The following TBC1D1 variants were observed in gnomAD, a reference collection of about 807,000 sequenced individuals.
TBC1D1 encodes TBC1 domain family member 1, also known as TBC1 (tre-2/USP6, BUB2, cdc16) domain family, member 1.
A neutral mutation model predicts 125.6 loss-of-function variants in TBC1D1; 89 were observed. The observed-to-expected ratio is 0.71, with a 90% confidence interval of 0.60 to 0.85. The LOEUF (loss-of-function observed/expected upper bound fraction) is 0.85. TBC1D1 is among the 40% of genes least tolerant of loss of function. The pLI is 0.00. For missense variants in TBC1D1, 1,377 were observed against 1,469.2 expected (o/e 0.94, Z 1.03); for synonymous variants, 565 against 564.1 (o/e 1.00, Z -0.02).
chr4:38,110,823 G>A (rs1762080714), intron 15 of TBC1D1: 5 of 985,376 alleles, frequency 5.1e-6, no homozygotes, highest in Non-Finnish European at 4.8e-6. Flanking sequence ...AGCTTCCCTC[G>A]AGTTTGGCAG....
chr4:38,064,336 A>C (rs979569580), intron 12 of TBC1D1, among the ~76,000 whole-genome samples: 3 of 152,186 alleles, frequency 2.0e-5, no homozygotes, highest in African/African-American at 7.2e-5. Flanking sequence ...GCTGGTGTGG[A>C]AACTCCTCCT....
chr4:37,893,197 G>C (rs775689796), intron 1 of TBC1D1, among the ~76,000 whole-genome samples: 6 of 152,188 alleles, frequency 3.9e-5, no homozygotes, highest in Non-Finnish European at 8.8e-5. Context: ...GGGCTCAAGA[G>C]GATTCTGTCT....
intron 15 of TBC1D1, chr4:38,110,281 G>A: frequency 1.0e-6 from 1 of 984,986 alleles, no homozygotes; most frequent in Non-Finnish European, 1.2e-6. Context: ...TGAGGGGCTT[G>A]TGAAAAACAC....
In TBC1D1 at chr4:37,945,512, C is replaced by CAAAAAAAAA. The variant is rs59557310; in HGVS notation, c.417+43031_417+43039dup. Among the ~76,000 whole-genome samples the CAAAAAAAAA allele has an allele frequency of 5.8e-4, 12 of 20,692 alleles. 2 individuals are homozygous for CAAAAAAAAA. The East Asian group carries it at 7.0e-3, about 12-fold the overall frequency. The allele number at this position is 20,692 out of a possible 152,430, so 13.6% of individuals were successfully genotyped here. ...TGGGCAACAGAGAGAGACTCCACCT[C>CAAAAAAAAA]AAAAAAAAAAAAAAAAAAAAAAAAA... On this transcript the variant is annotated intron_variant, in intron 2 of 19. Coordinates refer to ENST00000261439, the MANE Select transcript of TBC1D1 (RefSeq NM_015173.4).
chr4:37,928,008 A>C (rs746303664), intron 2 of TBC1D1, among the ~76,000 whole-genome samples: 1 of 152,216 alleles, frequency 6.6e-6, no homozygotes, highest in African/African-American at 2.4e-5. Context: ...TGTGATTAAA[A>C]GCATGCACTC....
Position 37,956,032 on chromosome 4 carries a change from CTT to C in TBC1D1, c.417+53534_417+53535del, listed in dbSNP as rs61539790. 1.3e-3 allele frequency among the ~76,000 whole-genome samples: 194 copies of C among 144,424 alleles called. 1 individual carries two copies. Among genetic ancestry groups the C allele is most frequent in the Middle Eastern group, 7.1e-3 (2 of 282 alleles). 94.7% of individuals were successfully genotyped at this position (144,424 alleles called of 152,430 possible). ...ATACATATAATCTGCTTCAAATAAA[CTT>C]TTTTTTTTTTTTTGAAACAACGTCT... On this transcript the variant is annotated intron_variant, in intron 2 of 19. Transcript: ENST00000261439.
At chr4:38,072,353 G>A (rs17497671) in intron 12 of TBC1D1, among the ~76,000 whole-genome samples, 15,718 of 152,242 alleles carry the variant, frequency 0.1, 995 homozygotes, top group Non-Finnish European at 0.14. Context: ...TTTTCTGAGA[G>A]GCCAGAGTTT....
intron 2 of TBC1D1, among the ~76,000 whole-genome samples, chr4:37,928,405 G>A (rs537564956): frequency 2.6e-5 from 4 of 152,098 alleles, no homozygotes; most frequent in African/African-American, 4.8e-5. Context: ...TTCCCTCTTG[G>A]ACAGGATATG....
intron 8 of TBC1D1, among the ~76,000 whole-genome samples, chr4:38,043,011 C>T (rs1194336295): frequency 1.3e-5 from 2 of 151,968 alleles, no homozygotes; most frequent in East Asian, 1.9e-4. Context: ...AAGCGATTCT[C>T]CTGCCTCAGC....
intron 12 of TBC1D1, among the ~76,000 whole-genome samples, chr4:38,084,846 C>G (rs542860028): frequency 6.6e-6 from 1 of 151,932 alleles, no homozygotes; most frequent in Non-Finnish European, 1.5e-5. Context: ...TCTGTCTACT[C>G]GTTTCCTTCT....
intron 2 of TBC1D1, among the ~76,000 whole-genome samples, chr4:37,932,911 G>A (rs574758391): frequency 1.3e-5 from 2 of 152,170 alleles, no homozygotes; most frequent in Admixed American, 1.3e-4. Flanking sequence ...GCAAAAATTA[G>A]CCAGAGGTGG....
At chr4:38,000,823 A>T (rs1438648209) in intron 2 of TBC1D1, among the ~76,000 whole-genome samples, 3 of 152,220 alleles carry the variant, frequency 2.0e-5, no homozygotes, top group Non-Finnish European at 4.4e-5. Context: ...CTGACCTGCT[A>T]TAAATCAAGT....
chr4:37,985,972 G>C (rs1403111247), intron 2 of TBC1D1, among the ~76,000 whole-genome samples: 2 of 152,232 alleles, frequency 1.3e-5, no homozygotes, highest in Admixed American at 6.5e-5. Context: ...TTTCTAGCAT[G>C]TTTCAGAATG....
rs537576624 is a variant in TBC1D1 at position 38,113,466 on chromosome 4, A to T, written c.2558-2244A>T. ...GTTTGCTAACATGAGAGGGTATCTG[A>T]TTAGCTAAAACGATAACACTGACAG... On this transcript the variant is annotated intron_variant, in intron 15 of 19. Coordinates refer to ENST00000261439, the MANE Select transcript of TBC1D1 (RefSeq NM_015173.4). 2.0e-5 allele frequency among the ~76,000 whole-genome samples: 3 copies of T among 152,338 alleles called. No homozygotes were observed. In the South Asian group the frequency reaches 6.2e-4, roughly 32 times the overall value.
intron 2 of TBC1D1, among the ~76,000 whole-genome samples, chr4:37,944,301 C>T (rs1050855053): frequency 1.3e-5 from 2 of 152,194 alleles, no homozygotes; most frequent in African/African-American, 4.8e-5. Context: ...CTTGAGGAGG[C>T]AGTCTGTCCG....
Position 37,902,119 on chromosome 4 carries a change from A to C in TBC1D1, c.24A>C (p.Ala8=), listed in dbSNP as rs1716174994. Residue 8 remains alanine, a synonymous_variant, in exon 2 of 20, where the codon GCA becomes GCC. Transcript: ENST00000261439. ...AGATGGAACCAATAACATTCACAGCAAGGAAACATCTGCTTTCTAACGAGG... is the reference window on the plus strand; with the variant it reads ...AGATGGAACCAATAACATTCACAGCCAGGAAACATCTGCTTTCTAACGAGG... 1 of 1,606,364 alleles carries C rather than the reference A, an allele frequency of 6.2e-7. No homozygotes were observed. Among genetic ancestry groups the C allele is most frequent in the Non-Finnish European group, 8.5e-7 (1 of 1,176,818 alleles).
intron 2 of TBC1D1, among the ~76,000 whole-genome samples, chr4:37,951,854 C>T (rs1727942254): frequency 6.6e-6 from 1 of 152,176 alleles, no homozygotes; most frequent in Admixed American, 6.5e-5. Context: ...GTAAATCATT[C>T]AGATACAATT....
intron 15 of TBC1D1, chr4:38,111,999 G>A (rs74432580): frequency 0.015 from 14,515 of 984,892 alleles, 144 homozygotes; most frequent in Admixed American, 0.051. Flanking sequence ...CACACTGGAA[G>A]ATGTGTTTTA....
intron 12 of TBC1D1, among the ~76,000 whole-genome samples, chr4:38,088,593 G>T (rs545890635): frequency 2.6e-5 from 4 of 152,172 alleles, no homozygotes; most frequent in South Asian, 2.1e-4. Flanking sequence ...CTGAAATTTT[G>T]ATTTCTTTTC....
Sources: allele counts gnomAD v4.1 joint callset (sites outside exome capture counted in the v4.1 genomes callset), GRCh38; gene constraint gnomAD v4.1.1; transcripts MANE v1.5; gene names NCBI Gene and HGNC (gene_info 2026-07-23, HGNC 2026-07-21).